The following NBL1 variants were observed in gnomAD, a reference collection of about 807,000 sequenced individuals.
NBL1 encodes the protein NBL1, DAN family BMP antagonist, also known as neuroblastoma suppressor of tumorigenicity 1.
Under a neutral mutation model 16.0 loss-of-function variants are expected in NBL1, and 9 were observed. That is an observed-to-expected ratio of 0.56 (90% CI 0.34 to 0.98). The LOEUF (loss-of-function observed/expected upper bound fraction) is 0.98, where lower values mean the gene tolerates loss of function less well. Among genes scored for constraint, NBL1 ranks in the 50% least tolerant of loss-of-function variants. NBL1 has a pLI of 0.02. For missense variants in NBL1, 196 were observed against 243.1 expected, an observed-to-expected ratio of 0.81 and a Z score of 1.29; for synonymous variants, 86 against 100.7, an observed-to-expected ratio of 0.85 and a Z score of 0.87.
chr1:19,653,557 T>G (rs1570564667), intron 1 of NBL1, among the ~76,000 whole-genome samples: 1 of 152,230 alleles, frequency 6.6e-6, no homozygotes, highest in Admixed American at 6.5e-5. Flanking sequence ...CCTAGAACTT[T>G]TACTCCACAA....
At position 19,645,383 on chromosome 1, in the gene NBL1, G is replaced by C. The variant is rs3790739; in HGVS notation, c.-20+937G>C. 6.9e-5 allele frequency: 68 copies of C among 986,478 alleles called. 1 individual carries two copies. In the East Asian group the frequency reaches 3.3e-3, roughly 48 times the overall value. 61.1% of individuals were successfully genotyped at this position (986,478 alleles called of 1,614,324 possible). On this transcript the variant is annotated intron_variant, in intron 1 of 3. Transcript: ENST00000375136. ...GGGCGATTCTGATCGTTTACAAGCG[G>C]CGGCAAAGGGGGCAGCCGCCTGCCT...
Position 19,656,919 on chromosome 1 carries a change from G to A in NBL1, c.336G>A (p.Val112=), listed in dbSNP as rs1365683158. 3.7e-6 allele frequency: 6 copies of A among 1,613,286 alleles called. No homozygotes were observed. Among genetic ancestry groups the A allele is most frequent in the Admixed American group, 1.7e-5 (1 of 59,952 alleles). ...AGGTGCCCAGGGTGGACAAGCTGGT[G>A]GAGAAGATCCTGCACTGTAGCTGCC... ...HEEVPRVDKL[V]EKILHCSCQA... is the part of the protein sequence containing the mutation. Residue 112 remains valine (V), a synonymous_variant, in exon 4 of 4, where the codon GTG becomes GTA. Transcript: ENST00000375136.
chr1:19,645,321 C>G, intron 1 of NBL1: 2 of 982,526 alleles, frequency 2.0e-6, no homozygotes, highest in Non-Finnish European at 2.4e-6. Flanking sequence ...ACGACAGGCC[C>G]TGCTGCGGGC....
chr1:19,645,454 TC>T (rs2094973072), intron 1 of NBL1: 6 of 991,882 alleles, frequency 6.0e-6, no homozygotes, highest in African/African-American at 1.7e-5. Flanking sequence ...AAGCCACACT[TC>T]CAGGCTTTCG....
In NBL1 at chr1:19,656,096, G is replaced by A. The variant is rs368289091; in HGVS notation, c.282+661G>A. Among the ~76,000 whole-genome samples, 6 of 152,052 alleles carry A rather than the reference G, an allele frequency of 3.9e-5. No individual in the cohort carries two copies. The South Asian group carries it at 6.2e-4, about 16-fold the overall frequency. ...CACCTGCAGTCTTCCACCTGCATCC[G>A]GGTGATTTTGACAGATCTGTTTCCC... On this transcript the variant is annotated intron_variant, in intron 3 of 3. Coordinates refer to ENST00000375136, the MANE Select transcript of NBL1 (RefSeq NM_005380.8).
At chr1:19,653,931 C>T (rs1030756115) in intron 1 of NBL1, among the ~76,000 whole-genome samples, 4 of 152,222 alleles carry the variant, frequency 2.6e-5, no homozygotes, top group African/African-American at 9.6e-5. Flanking sequence ...GGGGAATTTG[C>T]AAATGGCCAA....
chr1:19,645,091 C>T (rs1443327437), intron 1 of NBL1, among the ~76,000 whole-genome samples: 1 of 152,232 alleles, frequency 6.6e-6, no homozygotes, highest in Non-Finnish European at 1.5e-5. Context: ...GATCCCCCGC[C>T]CTCCGATCCA....
chr1:19,650,363 T>G (rs1415610858), intron 1 of NBL1, among the ~76,000 whole-genome samples: 1 of 152,218 alleles, frequency 6.6e-6, no homozygotes, highest in Non-Finnish European at 1.5e-5. Context: ...CTGTGCCAAC[T>G]CAAAACAACT....
intron 1 of NBL1, chr1:19,647,517 G>C (rs191419888): frequency 8.9e-6 from 6 of 670,850 alleles, no homozygotes; most frequent in African/African-American, 1.9e-5. Context: ...AATGGAGGAG[G>C]AGAGCCAGAC....
At chr1:19,654,964 C>A (rs368049579) in intron 1 of NBL1, 48 bp from the exon 2 acceptor site, 2 of 1,502,828 alleles carry the variant, frequency 1.3e-6, no homozygotes, top group African/African-American at 2.8e-5. Context: ...CACTACCCGG[C>A]CCCCTGCACC....
At position 19,653,572 on chromosome 1, in the gene NBL1, C is replaced by T. The variant is rs137890123; in HGVS notation, c.-19-1440C>T. Among the ~76,000 whole-genome samples the T allele has an allele frequency of 5.0e-3, 758 of 152,350 alleles. 9 individuals are homozygous for T. The highest frequency in any genetic ancestry group is 0.017 in the African/African-American group (723 of 41,580). Reference sequence around the variant, plus strand: ...CCTAGAACTTTTACTCCACAAGTTCCTAGGGAATTCTGATCAAATTTCAGG... The same window carrying T: ...CCTAGAACTTTTACTCCACAAGTTCTTAGGGAATTCTGATCAAATTTCAGG... On this transcript the variant is annotated intron_variant, in intron 1 of 3. Coordinates refer to ENST00000375136, the MANE Select transcript of NBL1 (RefSeq NM_005380.8).
intron 1 of NBL1, among the ~76,000 whole-genome samples, chr1:19,648,338 G>A (rs2094997572): frequency 6.6e-6 from 1 of 152,178 alleles, no homozygotes; most frequent in Non-Finnish European, 1.5e-5. Flanking sequence ...CCTGGGGGCT[G>A]GGAGGCCGTT....
intron 1 of NBL1, chr1:19,647,720 C>T (rs10917507): frequency 0.3 from 286,198 of 969,806 alleles, 43,684 homozygotes; most frequent in Non-Finnish European, 0.31. Context: ...GGAGGTTCCC[C>T]GAGGAGGTTC....
At position 19,654,632 on chromosome 1, in the gene NBL1, TA is replaced by T. The variant is rs112896382; in HGVS notation, c.-19-378del. The stretch of plus-strand genomic sequence containing the variant: ...ACTTGACATGTGCTTGAACACTTCG[TA>T]ATCGCAATCCTGTGCCAGGCAGTGG... On this transcript the variant is annotated intron_variant, in intron 1 of 3. Transcript: ENST00000375136. Among the ~76,000 whole-genome samples, 333 of 152,164 alleles carry T rather than the reference TA, an allele frequency of 2.2e-3. 3 individuals carry two copies. The highest frequency in any genetic ancestry group is 7.5e-3 in the African/African-American group (313 of 41,520).
chr1:19,648,290 G>A (rs941606713), intron 1 of NBL1, among the ~76,000 whole-genome samples: 4 of 152,146 alleles, frequency 2.6e-5, no homozygotes, highest in South Asian at 2.1e-4. Context: ...AGTGGGCTGG[G>A]GGGCCTCAGT....
chr1:19,651,183 G>A (rs1408727773), intron 1 of NBL1, among the ~76,000 whole-genome samples: 1 of 152,196 alleles, frequency 6.6e-6, no homozygotes, highest in Non-Finnish European at 1.5e-5. Context: ...CTAAGGGGAG[G>A]GGCTGCAGTT....
intron 1 of NBL1, among the ~76,000 whole-genome samples, chr1:19,649,969 G>GTTTTCTTTTCTTTTCTTTTCTTTTC (rs111903141): frequency 1.5e-4 from 23 of 151,616 alleles, no homozygotes; most frequent in African/African-American, 5.6e-4. Flanking sequence ...CCTACTTTAC[G>GTTTTCTTTTCTTTTCTTTTCTTTTC]TTTTCTTTTC....
rs1392890922 is a variant in NBL1, at chr1:19,644,915, G to T, written c.-20+469G>T. Among the ~76,000 whole-genome samples the T allele has an allele frequency of 6.6e-6, 1 of 152,078 alleles. No individual in the cohort carries two copies. The highest frequency in any genetic ancestry group is 2.4e-5 in the African/African-American group (1 of 41,432). On this transcript the variant is annotated intron_variant, in intron 1 of 3. Transcript: ENST00000375136. The surrounding 1 kb of genome is among the most constrained non-coding windows in gnomAD (Gnocchi z 4.6). ...CGTGTGTCTGTCTCTCCGTCGCTCCGTTTCCGCCGCTCACTTTCCCCTGGT... is the reference window on the plus strand; with the variant it reads ...CGTGTGTCTGTCTCTCCGTCGCTCCTTTTCCGCCGCTCACTTTCCCCTGGT...
At chr1:19,654,091 G>T (rs1204693964) in intron 1 of NBL1, among the ~76,000 whole-genome samples, 2 of 152,156 alleles carry the variant, frequency 1.3e-5, no homozygotes, top group African/African-American at 2.4e-5. Flanking sequence ...TTTTGCCTGA[G>T]GTCTGGCCAG....
Sources: allele counts gnomAD v4.1 joint callset (sites outside exome capture counted in the v4.1 genomes callset), GRCh38; gene constraint gnomAD v4.1.1; non-coding constraint Gnocchi (gnomAD v3.1); transcripts MANE v1.5; gene names NCBI Gene and HGNC (gene_info 2026-07-23, HGNC 2026-07-21).